CDH13: variants seen among roughly 807,000 people sequenced by gnomAD.
CDH13 encodes the protein cadherin-13.
In CDH13, 24 loss-of-function variants were observed where a neutral mutation model predicts 63.8. The ratio of observed to expected loss-of-function variants is 0.38; its 90% CI spans 0.27 to 0.53. CDH13 has a LOEUF of 0.53. Among genes scored for constraint, CDH13 ranks in the 20% least tolerant of loss-of-function variants. The pLI is 0.85. For missense variants in CDH13, 1,049 were observed against 903.1 expected (o/e 1.16, Z -2.07); for synonymous variants, 503 against 355.3 (o/e 1.42, Z -4.67).
At chr16:83,157,519 A>G (rs996555066) in intron 4 of CDH13, among the ~76,000 whole-genome samples, 3 of 152,190 alleles carry the variant, frequency 2.0e-5, no homozygotes, top group African/African-American at 7.2e-5. Context: ...ACTGTGTCAC[A>G]TCATTTAAGG....
chr16:82,701,017 T>G (rs2030961787), intron 1 of CDH13, among the ~76,000 whole-genome samples: 1 of 122,250 alleles, frequency 8.2e-6, no homozygotes. Context: ...ATAGCCCCAG[T>G]TGCATGTGCT....
chr16:83,535,177 A>C (rs1032675515), intron 7 of CDH13, among the ~76,000 whole-genome samples: 2 of 152,254 alleles, frequency 1.3e-5, no homozygotes, highest in Non-Finnish European at 1.5e-5. Context: ...CTCCAGGCAG[A>C]GGGCACAGCA....
In CDH13 at chr16:82,846,166, C is replaced by T. The variant is rs561472504; in HGVS notation, c.46-12196C>T. The stretch of plus-strand genomic sequence containing the variant: ...GGTGTTTGCATTGACCAAACTTCTG[C>T]GTGGAGCCTTTGTTCTTAGAGGTTG... On this transcript the variant is annotated intron_variant, in intron 1 of 13. Transcript: ENST00000567109. Among the ~76,000 whole-genome samples, 4 of 152,280 alleles carry T rather than the reference C, an allele frequency of 2.6e-5. No homozygotes were observed. In the South Asian group the frequency reaches 8.3e-4, roughly 32 times the overall value.
chr16:82,860,618 C>A (rs767270753), intron 2 of CDH13, among the ~76,000 whole-genome samples: 2 of 147,278 alleles, frequency 1.4e-5, no homozygotes, highest in Non-Finnish European at 3.0e-5. Flanking sequence ...TTGGTGAAAC[C>A]GTATGTCCAT....
intron 1 of CDH13, among the ~76,000 whole-genome samples, chr16:82,786,093 T>TG (rs1280059963): frequency 1.3e-5 from 2 of 152,060 alleles, no homozygotes; most frequent in Non-Finnish European, 2.9e-5. Context: ...TGAGTTAGGG[T>TG]GAGCAAGTGA....
intron 1 of CDH13, among the ~76,000 whole-genome samples, chr16:82,713,955 T>A (rs546197976): frequency 6.6e-6 from 1 of 152,164 alleles, no homozygotes; most frequent in Admixed American, 6.5e-5. Flanking sequence ...ATCATTATTC[T>A]TTTTTGAGAT....
chr16:83,325,863 G>A lies in CDH13; in HGVS notation c.637-18999G>A, dbSNP rs115917298. Among the ~76,000 whole-genome samples the A allele has an allele frequency of 2.7e-3, 414 of 152,140 alleles. 4 individuals carry two copies. Among genetic ancestry groups the A allele is most frequent in the African/African-American group, 9.4e-3 (391 of 41,496 alleles). The stretch of plus-strand genomic sequence containing the variant: ...TATTCTTATGTTGCTGCATGCCTTC[G>A]GCTGTGTTAAATTAATTGAATATGG... On this transcript the variant is annotated intron_variant, in intron 5 of 13. Coordinates refer to ENST00000567109, the MANE Select transcript of CDH13 (RefSeq NM_001257.5).
intron 7 of CDH13, among the ~76,000 whole-genome samples, chr16:83,580,448 TTCTCTCTCTCTCTCTCTC>T (rs55664829): frequency 0.019 from 1,489 of 76,392 alleles, 41 homozygotes; most frequent in African/African-American, 0.056. Flanking sequence ...TTCTGTTCAT[TTCTCTCTCTCTCTCTCTC>T]TCTCTCTCTC....
intron 5 of CDH13, among the ~76,000 whole-genome samples, chr16:83,322,720 A>G (rs1240319662): frequency 2.6e-5 from 4 of 152,032 alleles, no homozygotes; most frequent in African/African-American, 4.8e-5. Context: ...TTCTTTTACT[A>G]ATGTATTCAG....
intron 4 of CDH13, among the ~76,000 whole-genome samples, chr16:83,179,497 A>AAAAAAAAAAAAAAAG: frequency 6.7e-6 from 1 of 148,972 alleles, no homozygotes; most frequent in African/African-American, 2.5e-5. Flanking sequence ...AAAAAAAAAA[A>AAAAAAAAAAAAAAAG]AAAAATTAGC....
rs540500829 is a variant in CDH13, at chr16:83,376,930, G to A, written c.781+31924G>A. ...AAGCCAGCACCACATAAGAAGTTTG[G>A]CTACCTGGAGACTGCCCTGTGTGGA... On this transcript the variant is annotated intron_variant, in intron 6 of 13. Transcript: ENST00000567109. 6.4e-4 allele frequency among the ~76,000 whole-genome samples: 98 copies of A among 152,086 alleles called. 1 individual carries two copies. The highest frequency in any genetic ancestry group is 1.2e-3 in the Non-Finnish European group (85 of 68,010).
At chr16:83,372,890 A>C (rs921739218) in intron 6 of CDH13, among the ~76,000 whole-genome samples, 1 of 152,352 alleles carries the variant, frequency 6.6e-6, no homozygotes, top group South Asian at 2.1e-4. Context: ...CAAAACACAG[A>C]ATCCTCACTG....
At chr16:83,036,692 T>G (rs535191906) in intron 3 of CDH13, among the ~76,000 whole-genome samples, 23 of 152,272 alleles carry the variant, frequency 1.5e-4, no homozygotes, top group African/African-American at 5.3e-4. Context: ...GCTCCCACTC[T>G]GCATCCCTCT....
rs1904289955 is a variant in CDH13, at chr16:83,797,829, A to C, written c.*2799A>C. The stretch of plus-strand genomic sequence containing the variant: ...TATTAATACTCAACCAACTTAGTTG[A>C]TTAAAAATCACATTTTCTCCCTCAT... On this transcript the variant is annotated 3_prime_UTR_variant, in exon 14 of 14. Transcript: ENST00000567109. The C allele has an allele frequency of 6.6e-6, 1 of 152,258 alleles. No individual in the cohort carries two copies. The highest frequency in any genetic ancestry group is 2.1e-4 in the South Asian group (1 of 4,836). 9.4% of individuals were successfully genotyped at this position (152,258 alleles called of 1,614,324 possible).
At chr16:82,711,721 C>T (rs2031962035) in intron 1 of CDH13, among the ~76,000 whole-genome samples, 1 of 152,192 alleles carries the variant, frequency 6.6e-6, no homozygotes, top group Non-Finnish European at 1.5e-5. Context: ...TGTTTTGCTG[C>T]TGCTGAAACA....
At chr16:83,172,189 A>C (rs2037948045) in intron 4 of CDH13, among the ~76,000 whole-genome samples, 1 of 152,110 alleles carries the variant, frequency 6.6e-6, no homozygotes, top group South Asian at 2.1e-4. Flanking sequence ...AGAGAACTCC[A>C]CATGAAAATA....
intron 2 of CDH13, among the ~76,000 whole-genome samples, chr16:83,031,587 C>T (rs1916355940): frequency 6.6e-6 from 1 of 151,960 alleles, no homozygotes; most frequent in African/African-American, 2.4e-5. Flanking sequence ...AGGGCCTTCT[C>T]ATCTCCTACT....
At chr16:83,024,052 T>C (rs5000155) in intron 2 of CDH13, among the ~76,000 whole-genome samples, 28,771 of 152,096 alleles carry the variant, frequency 0.19, 3,085 homozygotes, top group East Asian at 0.3. Context: ...ATTTCTTATC[T>C]GATATTTGGA....
At chr16:83,140,625 T>G (rs1032216651) in intron 4 of CDH13, among the ~76,000 whole-genome samples, 1 of 152,142 alleles carries the variant, frequency 6.6e-6, no homozygotes, top group Admixed American at 6.5e-5. Context: ...TGGCTAATTT[T>G]TGTACTTTTA....
Sources: gnomAD v4.1 joint callset for allele counts (sites outside exome capture counted in the v4.1 genomes callset) on GRCh38, gnomAD v4.1.1 for gene constraint, MANE v1.5 for transcripts, NCBI Gene and HGNC (gene_info 2026-07-23, HGNC 2026-07-21) for gene names.